Variants in RUNX2 observed in about 807,000 individuals in gnomAD.
RUNX2 encodes RUNX family transcription factor 2.
RUNX2 carries 10 observed loss-of-function variants against 51.7 expected under a neutral mutation model. That is an observed-to-expected ratio of 0.19 (90% CI 0.12 to 0.33). The LOEUF is 0.33. Ranked by LOEUF, RUNX2 falls within the 10% of genes least tolerant of loss-of-function variation. The probability of loss-of-function intolerance (pLI) is 1.00; values close to 1 mark genes in which losing one functional copy is unlikely to be tolerated. For synonymous variants in RUNX2, 276 were observed against 273.6 expected, an observed-to-expected ratio of 1.01 and a Z score of -0.09; for missense variants, 562 against 691.3, an observed-to-expected ratio of 0.81 and a Z score of 2.10.
At chr6:45,494,819 A>G (rs1385271743) in intron 6 of RUNX2, among the ~76,000 whole-genome samples, 5 of 152,192 alleles carry the variant, frequency 3.3e-5, no homozygotes, top group African/African-American at 1.2e-4. Context: ...AATAAGTATG[A>G]TTTGGGGCCT....
intron 5 of RUNX2, among the ~76,000 whole-genome samples, chr6:45,466,426 T>G (rs1050183246): frequency 2.7e-4 from 41 of 152,248 alleles, no homozygotes; most frequent in African/African-American, 8.7e-4. Context: ...TGGGGAGAAG[T>G]TAGGTAGTGT....
chr6:45,431,180 G>A (rs910089248), intron 3 of RUNX2, among the ~76,000 whole-genome samples: 4 of 152,116 alleles, frequency 2.6e-5, no homozygotes, highest in Non-Finnish European at 5.9e-5. Context: ...AGACATAATA[G>A]AACTGAGGCT....
intron 2 of RUNX2, among the ~76,000 whole-genome samples, chr6:45,374,155 A>C (rs951439256): frequency 1.3e-5 from 2 of 152,226 alleles, no homozygotes; most frequent in Non-Finnish European, 2.9e-5. Context: ...TTAATAAGTT[A>C]AATACCTTAA....
At chr6:45,428,552 T>C (rs1798448317) in intron 3 of RUNX2, among the ~76,000 whole-genome samples, 1 of 152,168 alleles carries the variant, frequency 6.6e-6, no homozygotes, top group Non-Finnish European at 1.5e-5. Flanking sequence ...TTTTCAGGTC[T>C]TGCTCTCAGC....
At chr6:45,507,832 G>A (rs561551956) in intron 6 of RUNX2, among the ~76,000 whole-genome samples, 9 of 152,308 alleles carry the variant, frequency 5.9e-5, no homozygotes, top group Admixed American at 2.0e-4. Flanking sequence ...AGAAAAAGAG[G>A]TCAAGGGCTA....
intron 5 of RUNX2, among the ~76,000 whole-genome samples, chr6:45,485,697 G>GTGTGTATATATATA (rs1219072282): frequency 2.9e-5 from 3 of 104,072 alleles, no homozygotes; most frequent in African/African-American, 1.1e-4. Flanking sequence ...GTGTGTGTGT[G>GTGTGTATATATATA]TATATATATA....
Position 45,486,146 on chromosome 6 carries a change from A to G in RUNX2, c.686-5795A>G, listed in dbSNP as rs956672374. Among the ~76,000 whole-genome samples the G allele has an allele frequency of 3.3e-5, 5 of 152,264 alleles. No individual in the cohort carries two copies. In the East Asian group the frequency reaches 7.7e-4, roughly 24 times the overall value. ...AGGACATTTTTCTACATAATCACAG[A>G]AAGTACCACTTCCTTAATATTTAAA... On this transcript the variant is annotated intron_variant, in intron 5 of 8. Coordinates refer to ENST00000647337, the MANE Select transcript of RUNX2 (RefSeq NM_001024630.4).
chr6:45,395,470 T>G (rs1356357984), intron 2 of RUNX2, among the ~76,000 whole-genome samples: 2 of 152,192 alleles, frequency 1.3e-5, no homozygotes, highest in East Asian at 3.8e-4. Context: ...AGCTCATATA[T>G]CCTCTTCTAT....
intron 5 of RUNX2, among the ~76,000 whole-genome samples, chr6:45,482,871 A>T (rs958591178): frequency 2.0e-5 from 3 of 152,122 alleles, no homozygotes; most frequent in Admixed American, 1.3e-4. Flanking sequence ...CTCTTGATAA[A>T]CGCCGAATCT....
chr6:45,500,705 A>T (rs1449047183), intron 6 of RUNX2, among the ~76,000 whole-genome samples: 1 of 152,158 alleles, frequency 6.6e-6, no homozygotes, highest in Non-Finnish European at 1.5e-5. Flanking sequence ...ATCTTTGAGG[A>T]CCCAGCTGAA....
intron 2 of RUNX2, among the ~76,000 whole-genome samples, chr6:45,387,469 CTGTG>C (rs1161200934): frequency 2.6e-5 from 4 of 152,196 alleles, no homozygotes; most frequent in Non-Finnish European, 5.9e-5. Context: ...TCGCAAGAAT[CTGTG>C]TGGGCACAGC....
At chr6:45,537,686 G>A (rs571364087) in intron 7 of RUNX2, among the ~76,000 whole-genome samples, 2 of 152,242 alleles carry the variant, frequency 1.3e-5, no homozygotes, top group South Asian at 4.1e-4. Context: ...AGGGAAAAGC[G>A]ACTGACTAGT....
chr6:45,395,176 C>G (rs1351054882), intron 2 of RUNX2, among the ~76,000 whole-genome samples: 1 of 152,186 alleles, frequency 6.6e-6, no homozygotes, highest in Non-Finnish European at 1.5e-5. Flanking sequence ...GACCTCCACT[C>G]TCTGATGGAA....
At chr6:45,407,519 T>C (rs185371313) in intron 2 of RUNX2, among the ~76,000 whole-genome samples, 5 of 152,182 alleles carry the variant, frequency 3.3e-5, no homozygotes, top group Admixed American at 1.3e-4. Context: ...TGAGATAGGG[T>C]CCCCCTCTGT....
intron 7 of RUNX2, among the ~76,000 whole-genome samples, chr6:45,535,465 G>T (rs947701847): frequency 2.0e-5 from 3 of 152,066 alleles, no homozygotes; most frequent in Non-Finnish European, 4.4e-5. Context: ...TTAGCTGGGC[G>T]TGGTGGCGGG....
At chr6:45,422,504 A>T in intron 2 of RUNX2, 89 bp from the exon 3 acceptor site, 1 of 318,714 alleles carries the variant, frequency 3.1e-6, no homozygotes, top group Non-Finnish European at 4.3e-6. Context: ...TCACCCCCCC[A>T]ATTTCCTCCT....
chr6:45,388,728 T>A (rs973183841), intron 2 of RUNX2, among the ~76,000 whole-genome samples: 1 of 152,216 alleles, frequency 6.6e-6, no homozygotes, highest in African/African-American at 2.4e-5. Flanking sequence ...TAAGGACTTT[T>A]AAAAATCTAC....
chr6:45,447,606 C>T (rs1311717689), intron 5 of RUNX2, among the ~76,000 whole-genome samples: 1 of 152,136 alleles, frequency 6.6e-6, no homozygotes, highest in Non-Finnish European at 1.5e-5. Context: ...AGTCTCACCC[C>T]CTCTCTTCTA....
intron 6 of RUNX2, among the ~76,000 whole-genome samples, chr6:45,498,149 A>G (rs999707406): frequency 1.3e-5 from 2 of 152,190 alleles, no homozygotes; most frequent in Non-Finnish European, 2.9e-5. Flanking sequence ...CTTACCACCA[A>G]GTACTCTTGG....
Sources: allele counts gnomAD v4.1 joint callset (sites outside exome capture counted in the v4.1 genomes callset), GRCh38; gene constraint gnomAD v4.1.1; transcripts MANE v1.5; gene names NCBI Gene and HGNC (gene_info 2026-07-23, HGNC 2026-07-21).